CYP2J2: variants seen among roughly 807,000 people sequenced by gnomAD.
CYP2J2 encodes cytochrome P450 2J2.
A neutral mutation model predicts 48.8 loss-of-function variants in CYP2J2; 41 were observed. The observed-to-expected ratio is 0.84, with a 90% CI of 0.66 to 1.09. The LOEUF (loss-of-function observed/expected upper bound fraction) is 1.09, where lower values mean the gene tolerates loss of function less well. CYP2J2 is among the 50% of genes least tolerant of loss of function. The pLI is 0.00. For synonymous variants in CYP2J2, 221 were observed against 227.1 expected (o/e 0.97, Z 0.24); for missense variants, 644 against 617.3 (o/e 1.04, Z -0.46).
At chr1:59,935,286 C>T in the CYP2J2 span, among the ~76,000 whole-genome samples, 5 of 151,808 alleles carry the variant, frequency 3.3e-5, no homozygotes, top group Admixed American at 3.3e-4. Context: ...TTAAAGGGTA[C>T]ACACCTGCAG....
the CYP2J2 span, among the ~76,000 whole-genome samples, chr1:59,947,404 G>T: frequency 6.6e-6 from 1 of 152,150 alleles, no homozygotes; most frequent in Non-Finnish European, 1.5e-5. Flanking sequence ...CCTTAAGACA[G>T]GCAATATAAA....
the CYP2J2 span, among the ~76,000 whole-genome samples, chr1:59,941,470 T>C: frequency 1.4e-4 from 21 of 152,350 alleles, no homozygotes; most frequent in East Asian, 3.7e-3. Context: ...ACAACTATGT[T>C]ACTAGTTTAT....
In CYP2J2 at chr1:59,898,097, A is replaced by C. The variant is rs574459710; in HGVS notation, c.1330+2868T>G. Among the ~76,000 whole-genome samples, 15 of 152,362 alleles carry C rather than the reference A, an allele frequency of 9.8e-5. No homozygotes were observed. In the East Asian group the frequency reaches 2.9e-3, roughly 29 times the overall value. On this transcript the variant is annotated intron_variant, in intron 8 of 8. Coordinates refer to ENST00000371204, the MANE Select transcript of CYP2J2 (RefSeq NM_000775.4). ...TTCTCAGTCAGAAAGAGAGATGGTA[A>C]GAACAAAGCAGCCTCAATTTTCCCC...
intron 8 of CYP2J2, among the ~76,000 whole-genome samples, chr1:59,895,736 G>T (rs1348589347): frequency 6.6e-6 from 1 of 152,048 alleles, no homozygotes; most frequent in Non-Finnish European, 1.5e-5. Context: ...TGCCATGCTG[G>T]TGCGCTGCAC....
the CYP2J2 span, among the ~76,000 whole-genome samples, chr1:59,969,021 C>A: frequency 6.6e-6 from 1 of 152,034 alleles, no homozygotes; most frequent in Non-Finnish European, 1.5e-5. Flanking sequence ...GCTCTTAAGG[C>A]AGTGCGTCTG....
At chr1:59,913,915 C>T (rs1322742499) in intron 2 of CYP2J2, among the ~76,000 whole-genome samples, 1 of 152,170 alleles carries the variant, frequency 6.6e-6, no homozygotes, top group Non-Finnish European at 1.5e-5. Context: ...ATGAACTATT[C>T]CTAGCCAAGC....
At chr1:59,897,530 C>T (rs1215781782) in intron 8 of CYP2J2, among the ~76,000 whole-genome samples, 2 of 152,286 alleles carry the variant, frequency 1.3e-5, no homozygotes, top group East Asian at 1.9e-4. Flanking sequence ...ATACTTGGCT[C>T]CCCTCCCTGG....
chr1:59,934,790 T>C, the CYP2J2 span, among the ~76,000 whole-genome samples: 1 of 151,610 alleles, frequency 6.6e-6, no homozygotes, highest in Non-Finnish European at 1.5e-5. Context: ...TTATGAAATA[T>C]GGAGTTTCTT....
At chr1:59,938,528 A>C in the CYP2J2 span, among the ~76,000 whole-genome samples, 1 of 152,242 alleles carries the variant, frequency 6.6e-6, no homozygotes, top group Admixed American at 6.5e-5. Flanking sequence ...AGTGGAGTAA[A>C]GAGTAACAAA....
chr1:59,939,887 G>T, the CYP2J2 span, among the ~76,000 whole-genome samples: 1 of 152,112 alleles, frequency 6.6e-6, no homozygotes, highest in Admixed American at 6.5e-5. Flanking sequence ...GTACTGCTGG[G>T]CTACCACCAA....
chr1:59,914,497 C>T (rs1326863664), intron 2 of CYP2J2, among the ~76,000 whole-genome samples: 1 of 152,210 alleles, frequency 6.6e-6, no homozygotes, highest in Non-Finnish European at 1.5e-5. Flanking sequence ...GCCCCAATCT[C>T]TTTGCCCCAA....
the CYP2J2 span, among the ~76,000 whole-genome samples, chr1:59,963,729 G>A: frequency 2.0e-5 from 3 of 152,202 alleles, no homozygotes; most frequent in East Asian, 1.9e-4. Context: ...GGAGTCAGGC[G>A]GCCTCAAGTG....
chr1:59,928,112 G>A (rs1471829291), upstream of CYP2J2, among the ~76,000 whole-genome samples: 1 of 152,146 alleles, frequency 6.6e-6, no homozygotes, highest in African/African-American at 2.4e-5. Context: ...TAGATGGATA[G>A]TATTCTATTA....
At chr1:59,953,419 A>G in the CYP2J2 span, among the ~76,000 whole-genome samples, 7 of 152,188 alleles carry the variant, frequency 4.6e-5, no homozygotes, top group Admixed American at 4.6e-4. Flanking sequence ...AGTAAATGAA[A>G]AAATGATTAT....
At chr1:59,903,815 A>T (rs1644341251) in intron 7 of CYP2J2, among the ~76,000 whole-genome samples, 1 of 152,208 alleles carries the variant, frequency 6.6e-6, no homozygotes, top group African/African-American at 2.4e-5. Context: ...AAGAAACAGA[A>T]CAGATCTGCT....
the CYP2J2 span, among the ~76,000 whole-genome samples, chr1:59,950,870 T>C: frequency 6.6e-6 from 1 of 152,174 alleles, no homozygotes; most frequent in Non-Finnish European, 1.5e-5. Flanking sequence ...TGTTCAGTGG[T>C]CTAGCTGGAA....
chr1:59,949,593 C>T, the CYP2J2 span, among the ~76,000 whole-genome samples: 1 of 152,004 alleles, frequency 6.6e-6, no homozygotes, highest in African/African-American at 2.4e-5. Context: ...AGGCTAATTC[C>T]ATAAAGTCTC....
chr1:59,900,542 G>A (rs921239988), intron 8 of CYP2J2, among the ~76,000 whole-genome samples: 2 of 152,224 alleles, frequency 1.3e-5, no homozygotes, highest in African/African-American at 2.4e-5. Flanking sequence ...GCTGAGGCAG[G>A]AGAATCGCTT....
chr1:59,927,797 T>A (rs1219963449), upstream of CYP2J2, among the ~76,000 whole-genome samples: 1 of 152,084 alleles, frequency 6.6e-6, no homozygotes, highest in Non-Finnish European at 1.5e-5. Flanking sequence ...GGTCTCAATC[T>A]CCTGACCATA....
Sources: gnomAD v4.1 joint callset for allele counts (sites outside exome capture counted in the v4.1 genomes callset) on GRCh38, gnomAD v4.1.1 for gene constraint, MANE v1.5 for transcripts, NCBI Gene and HGNC (gene_info 2026-07-23, HGNC 2026-07-21) for gene names.